PAPSS1: variants seen among roughly 807,000 people sequenced by gnomAD.
PAPSS1 encodes the protein 3'-phosphoadenosine 5'-phosphosulfate synthase 1.
Under a neutral mutation model 72.0 loss-of-function variants are expected in PAPSS1, and 50 were observed. The ratio of observed to expected loss-of-function variants is 0.69; its 90% CI spans 0.55 to 0.88. The LOEUF (loss-of-function observed/expected upper bound fraction) is 0.88. Among genes scored for constraint, PAPSS1 ranks in the 40% least tolerant of loss-of-function variants. The pLI, the probability that PAPSS1 is intolerant of heterozygous loss-of-function variation, is 0.00. For missense variants in PAPSS1, 657 were observed against 782.2 expected (o/e 0.84, Z 1.91); for synonymous variants, 261 against 263.6 (o/e 0.99, Z 0.09).
chr4:107,658,370 A>G (rs895581569), intron 6 of PAPSS1, among the ~76,000 whole-genome samples: 2 of 141,260 alleles, frequency 1.4e-5, no homozygotes, highest in South Asian at 2.2e-4. Context: ...AAAAAAAAAG[A>G]AAGGAAGAAA....
intron 5 of PAPSS1, among the ~76,000 whole-genome samples, chr4:107,666,456 G>A (rs1043406843): frequency 6.6e-6 from 1 of 152,090 alleles, no homozygotes; most frequent in Non-Finnish European, 1.5e-5. Flanking sequence ...GTGAGAAAAC[G>A]CTAAGAAATG....
In PAPSS1 at chr4:107,660,047, T is replaced by G; in HGVS notation, c.695A>C (p.Tyr232Ser). 1.3e-6 allele frequency: 2 copies of G among 1,591,406 alleles called. No individual in the cohort carries two copies. The highest frequency in any genetic ancestry group is 1.7e-6 in the Non-Finnish European group (2 of 1,163,164). The change falls in exon 6 of 12, where the codon TAT becomes TCT. Residue 232 changes from tyrosine to serine, a missense_variant. By Grantham distance (144) the Tyr-to-Ser change is moderately radical (BLOSUM62 -2). Coordinates refer to ENST00000265174, the MANE Select transcript of PAPSS1 (RefSeq NM_005443.5). ...ERDIVPVDAS[Y>S]EVKELYVPEN... Reference sequence around the variant, plus strand: ...TGGCACATATAGTTCTTTTACTTCATAAGATGCATCCACAGGTACAATATC... The same window carrying G: ...TGGCACATATAGTTCTTTTACTTCAGAAGATGCATCCACAGGTACAATATC...
At chr4:107,671,178 C>T (rs1243092996) in intron 5 of PAPSS1, among the ~76,000 whole-genome samples, 13 of 151,608 alleles carry the variant, frequency 8.6e-5, no homozygotes, top group African/African-American at 1.2e-4. Flanking sequence ...GAATACAGTG[C>T]GGAATCCTGG....
Position 107,614,136 on chromosome 4 carries a change from C to A in PAPSS1, c.*113G>T. On this transcript the variant is annotated 3_prime_UTR_variant, in exon 12 of 12. Coordinates refer to ENST00000265174, the MANE Select transcript of PAPSS1 (RefSeq NM_005443.5). ...ACTGATGCAAGTTAAGGAAAATGGT[C>A]TGTTTTTAGGAAGCATGTCCAGACA... is the stretch of plus-strand genomic sequence containing the variant. The A allele has an allele frequency of 9.1e-7, 1 of 1,104,116 alleles. No individual in the cohort carries two copies. Among genetic ancestry groups the A allele is most frequent in the Non-Finnish European group, 1.3e-6 (1 of 776,358 alleles). The allele number at this position is 1,104,116 out of a possible 1,614,324, so 68.4% of individuals were successfully genotyped here.
chr4:107,664,427 T>C (rs1283071680), intron 5 of PAPSS1, among the ~76,000 whole-genome samples: 4 of 152,144 alleles, frequency 2.6e-5, no homozygotes, highest in African/African-American at 9.7e-5. Flanking sequence ...CCAGCATCCC[T>C]AGTTCAGCTC....
chr4:107,717,461 G>A (rs752249069), intron 1 of PAPSS1, among the ~76,000 whole-genome samples: 2 of 152,098 alleles, frequency 1.3e-5, no homozygotes, highest in Non-Finnish European at 2.9e-5. Flanking sequence ...CAATATCCCT[G>A]TGAGGCTATC....
chr4:107,649,194 G>T (rs1170118672), intron 9 of PAPSS1, among the ~76,000 whole-genome samples: 1 of 152,214 alleles, frequency 6.6e-6, no homozygotes, highest in Non-Finnish European at 1.5e-5. Context: ...TGCCTTGAGG[G>T]TGGTGGCATT....
intron 1 of PAPSS1, among the ~76,000 whole-genome samples, chr4:107,715,420 C>A (rs1723607079): frequency 2.0e-5 from 3 of 152,120 alleles, no homozygotes; most frequent in Admixed American, 1.3e-4. Flanking sequence ...CTGCCCCTGA[C>A]CACACCCAGG....
rs199686364 is a variant in PAPSS1, at chr4:107,715,480, C to T, written c.60+4640G>A. Among the ~76,000 whole-genome samples the T allele has an allele frequency of 1.2e-4, 18 of 152,310 alleles. No homozygotes were observed. The East Asian group carries it at 2.3e-3, about 20-fold the overall frequency. ...TTGGCCTCTTGTTTGGCTGTCTGTT[C>T]CACTTCTCTGTTCTTATTTCATTTT... On this transcript the variant is annotated intron_variant, in intron 1 of 11. Transcript: ENST00000265174.
At chr4:107,692,841 T>C (rs1054749083) in intron 3 of PAPSS1, among the ~76,000 whole-genome samples, 4 of 152,052 alleles carry the variant, frequency 2.6e-5, no homozygotes, top group African/African-American at 7.3e-5. Flanking sequence ...ATCATGTCCT[T>C]TGCAGGGACA....
At chr4:107,623,790 T>C (rs1726027978) in intron 11 of PAPSS1, among the ~76,000 whole-genome samples, 1 of 152,214 alleles carries the variant, frequency 6.6e-6, no homozygotes, top group South Asian at 2.1e-4. Context: ...TTGTTAGTTT[T>C]ACCAGGGCAA....
intron 10 of PAPSS1, among the ~76,000 whole-genome samples, chr4:107,636,279 C>T (rs983503169): frequency 1.3e-5 from 2 of 151,946 alleles, no homozygotes; most frequent in African/African-American, 4.8e-5. Flanking sequence ...GGAACTGTGC[C>T]ATCATTTAAA....
At chr4:107,636,393 C>T (rs1001017745) in intron 10 of PAPSS1, among the ~76,000 whole-genome samples, 5 of 152,152 alleles carry the variant, frequency 3.3e-5, no homozygotes, top group East Asian at 1.9e-4. Flanking sequence ...TGGGGAGAAA[C>T]GAAACAAACG....
Position 107,621,608 on chromosome 4 carries a change from C to CTTTTTTTTTTTTTTTTTTTTTTTTTT in PAPSS1, c.1737-7247_1737-7222dup, listed in dbSNP as rs10670438. Among the ~76,000 whole-genome samples, 3 of 48,154 alleles carry CTTTTTTTTTTTTTTTTTTTTTTTTTT rather than the reference C, an allele frequency of 6.2e-5. 1 individual carries two copies. Among genetic ancestry groups the CTTTTTTTTTTTTTTTTTTTTTTTTTT allele is most frequent in the African/African-American group, 7.6e-5 (1 of 13,154 alleles). 31.6% of individuals were successfully genotyped at this position (48,154 alleles called of 152,430 possible). On this transcript the variant is annotated intron_variant, in intron 11 of 11. Coordinates refer to ENST00000265174, the MANE Select transcript of PAPSS1 (RefSeq NM_005443.5). ...CTTTCTAGGAAGACAGGTTTTTTAT[C>CTTTTTTTTTTTTTTTTTTTTTTTTTT]TTTTTTTTTTTTTTTTTTTTTTTTT...
chr4:107,659,097 T>C lies in PAPSS1; in HGVS notation c.783+862A>G, dbSNP rs111678083. Among the ~76,000 whole-genome samples, 916 of 152,300 alleles carry C rather than the reference T, an allele frequency of 6.0e-3. 9 individuals are homozygous for C. The highest frequency in any genetic ancestry group is 0.019 in the African/African-American group (809 of 41,562). Reference sequence around the variant, plus strand: ...CTGTAAGCAACAAATTCTGTTGTTCTTATGTAACAGTTCACTTCCTGAGCT... The same window carrying C: ...CTGTAAGCAACAAATTCTGTTGTTCCTATGTAACAGTTCACTTCCTGAGCT... On this transcript the variant is annotated intron_variant, in intron 6 of 11. Transcript: ENST00000265174.
intron 4 of PAPSS1, among the ~76,000 whole-genome samples, chr4:107,684,944 C>T (rs573223866): frequency 5.9e-5 from 9 of 152,002 alleles, no homozygotes; most frequent in South Asian, 4.2e-4. Flanking sequence ...CTCGCTCTGT[C>T]GCCCAGGCTA....
intron 5 of PAPSS1, among the ~76,000 whole-genome samples, chr4:107,677,641 A>G (rs886549618): frequency 1.3e-5 from 2 of 152,226 alleles, no homozygotes; most frequent in African/African-American, 4.8e-5. Context: ...TTCCTCAGGG[A>G]TCTAGAACTA....
Position 107,674,112 on chromosome 4 carries a change from G to A in PAPSS1, c.669+7903C>T, listed in dbSNP as rs561509441. On this transcript the variant is annotated intron_variant, in intron 5 of 11. Coordinates refer to ENST00000265174, the MANE Select transcript of PAPSS1 (RefSeq NM_005443.5). ...AAAAATGTGACAAATTGTAAAGACC[G>A]AAACCGCATCAACTAATGAGCAAAA... 9.9e-5 allele frequency among the ~76,000 whole-genome samples: 15 copies of A among 150,764 alleles called. No homozygotes were observed. In the South Asian group the frequency reaches 2.1e-3, roughly 21 times the overall value.
chr4:107,638,202 T>C (rs907105410), intron 10 of PAPSS1, among the ~76,000 whole-genome samples: 1 of 152,204 alleles, frequency 6.6e-6, no homozygotes, highest in Non-Finnish European at 1.5e-5. Context: ...CATTTCTAGT[T>C]TGCAATGCAA....
Sources: allele counts gnomAD v4.1 joint callset (sites outside exome capture counted in the v4.1 genomes callset), GRCh38; gene constraint gnomAD v4.1.1; transcripts MANE v1.5; gene names NCBI Gene and HGNC (gene_info 2026-07-23, HGNC 2026-07-21).